The following PRLR variants were observed in gnomAD, a reference collection of about 807,000 sequenced individuals.
The protein encoded by PRLR is hPRL receptor.
In PRLR, 13 loss-of-function variants were observed where a neutral mutation model predicts 40.2. The observed-to-expected ratio is 0.32, with a 90% confidence interval of 0.21 to 0.51. The LOEUF (loss-of-function observed/expected upper bound fraction) is 0.51, where lower values mean the gene tolerates loss of function less well. PRLR is among the 20% of genes least tolerant of loss of function. PRLR has a pLI of 0.97. For missense variants in PRLR, 656 were observed against 747.3 expected, an observed-to-expected ratio of 0.88 and a Z score of 1.42; for synonymous variants, 269 against 278.7, an observed-to-expected ratio of 0.97 and a Z score of 0.35.
chr5:35,054,788 T>G (rs769648883), downstream of PRLR, among the ~76,000 whole-genome samples: 1 of 152,214 alleles, frequency 6.6e-6, no homozygotes, highest in Non-Finnish European at 1.5e-5. Flanking sequence ...CTATTTTTTA[T>G]GCAAAACTCA....
intron 1 of PRLR, among the ~76,000 whole-genome samples, chr5:35,227,882 G>A (rs900302223): frequency 5.3e-5 from 8 of 152,200 alleles, no homozygotes; most frequent in Non-Finnish European, 8.8e-5. Context: ...TTGTACTCAA[G>A]ATTATGGGTC....
intron 2 of PRLR, among the ~76,000 whole-genome samples, chr5:35,091,236 C>T (rs1050334682): frequency 6.6e-6 from 1 of 152,090 alleles, no homozygotes; most frequent in Non-Finnish European, 1.5e-5. Flanking sequence ...AGATTCCTTC[C>T]AAGCAAATGC....
Position 35,118,078 on chromosome 5 carries a change from A to G in PRLR, c.-61T>C, listed in dbSNP as rs553656351. Reference sequence around the variant, plus strand: ...CCCCTTACCTTCAGGGTTCATGTGGAAAGCATCCTCAGTGTTCGCCTCCAT... The same window carrying G: ...CCCCTTACCTTCAGGGTTCATGTGGGAAGCATCCTCAGTGTTCGCCTCCAT... On this transcript the variant is annotated 5_prime_UTR_variant, in exon 2 of 10. Coordinates refer to ENST00000618457, the MANE Select transcript of PRLR (RefSeq NM_000949.7). 1.0e-6 allele frequency: 1 copy of G among 985,652 alleles called. No individual in the cohort carries two copies. The highest frequency in any genetic ancestry group is 6.1e-5 in the Admixed American group (1 of 16,278). The allele number at this position is 985,652 out of a possible 1,614,324, so 61.1% of individuals were successfully genotyped here. A position where few individuals can be genotyped will look rare whatever the true frequency, so the allele number is the denominator to read the frequency against.
intron 1 of PRLR, among the ~76,000 whole-genome samples, chr5:35,209,631 C>T (rs1579805249): frequency 6.6e-6 from 1 of 152,302 alleles, no homozygotes; most frequent in Admixed American, 6.5e-5. Flanking sequence ...AAACTCCTTT[C>T]TCATCTTCTG....
In PRLR at chr5:35,061,991, CTCTT is replaced by C. The variant is rs761686294; in HGVS notation, c.*3094_*3097del. The stretch of plus-strand genomic sequence containing the variant: ...AATATGTCTCTTCTCAATCTCCTGC[CTCTT>C]TTTTTAAATGCCTCTTTCTACACAT... On this transcript the variant is annotated 3_prime_UTR_variant, in exon 10 of 10. Coordinates refer to ENST00000618457, the MANE Select transcript of PRLR (RefSeq NM_000949.7). The C allele has an allele frequency of 2.0e-5, 3 of 152,130 alleles. No homozygotes were observed. The highest frequency in any genetic ancestry group is 1.9e-4 in the East Asian group (1 of 5,184). 9.4% of individuals were successfully genotyped at this position (152,130 alleles called of 1,614,324 possible). A position where few individuals can be genotyped will look rare whatever the true frequency, so the allele number is the denominator to read the frequency against.
At chr5:35,135,925 CG>C (rs1339725502) in intron 1 of PRLR, among the ~76,000 whole-genome samples, 3 of 152,114 alleles carry the variant, frequency 2.0e-5, no homozygotes, top group Non-Finnish European at 4.4e-5. Context: ...AAGCTTTGTC[CG>C]AATAGGGGAG....
At position 35,217,277 on chromosome 5, in the gene PRLR, C is replaced by T. The variant is rs1405984482; in HGVS notation, c.-106+12991G>A. On this transcript the variant is annotated intron_variant, in intron 1 of 9. Coordinates refer to ENST00000618457, the MANE Select transcript of PRLR (RefSeq NM_000949.7). ...GTTCCTGCAGAAGACTGAACCCATG[C>T]AGGCTTAGATCCTAGGACTCTTAAA... is the stretch of plus-strand genomic sequence containing the variant. 5.9e-5 allele frequency among the ~76,000 whole-genome samples: 9 copies of T among 152,292 alleles called. 1 individual carries two copies. The South Asian group carries it at 1.9e-3, about 32-fold the overall frequency.
intron 1 of PRLR, among the ~76,000 whole-genome samples, chr5:35,160,839 C>G (rs916138621): frequency 2.6e-5 from 4 of 152,158 alleles, no homozygotes; most frequent in African/African-American, 4.8e-5. Context: ...GTGGAAAGCA[C>G]CCATTTCCTA....
intron 1 of PRLR, among the ~76,000 whole-genome samples, chr5:35,154,999 CA>C (rs199804697): frequency 0.026 from 3,825 of 148,604 alleles, 79 homozygotes; most frequent in Middle Eastern, 0.092. Flanking sequence ...GGAGGGGGTT[CA>C]GGGGAGGGTG....
At chr5:35,113,529 C>T (rs1772827374) in intron 2 of PRLR, among the ~76,000 whole-genome samples, 2 of 150,386 alleles carry the variant, frequency 1.3e-5, no homozygotes, top group African/African-American at 2.4e-5. Flanking sequence ...ATTTATCTAT[C>T]CATCCATCCA....
At chr5:35,173,008 T>C (rs1411285840) in intron 1 of PRLR, among the ~76,000 whole-genome samples, 1 of 152,216 alleles carries the variant, frequency 6.6e-6, no homozygotes. Flanking sequence ...GTTTGTGTGC[T>C]TTTTGTCTAG....
intron 2 of PRLR, among the ~76,000 whole-genome samples, chr5:35,105,154 G>T (rs890321599): frequency 6.6e-6 from 1 of 152,198 alleles, no homozygotes; most frequent in Non-Finnish European, 1.5e-5. Flanking sequence ...CTGCAGCTGA[G>T]GGTCCTGACT....
chr5:35,072,348 T>C (rs905348455), intron 6 of PRLR, among the ~76,000 whole-genome samples: 1 of 152,116 alleles, frequency 6.6e-6, no homozygotes, highest in African/African-American at 2.4e-5. Context: ...GGAAACCTGG[T>C]CAAGTGTCTG....
intron 1 of PRLR, among the ~76,000 whole-genome samples, chr5:35,213,312 G>A (rs1382401321): frequency 2.0e-5 from 3 of 152,160 alleles, no homozygotes; most frequent in Non-Finnish European, 2.9e-5. Flanking sequence ...TGCTTCAGCT[G>A]ATGATTTCCC....
At chr5:35,049,236 CAG>C in exon 9 of PRLR, 1 of 702,570 alleles carries the variant, frequency 1.4e-6, no homozygotes. Context: ...TGTGGTTGGA[CAG>C]AGGGGAGAAA....
intron 2 of PRLR, among the ~76,000 whole-genome samples, chr5:35,108,009 C>A (rs1772385510): frequency 1.3e-5 from 2 of 152,168 alleles, no homozygotes; most frequent in Admixed American, 1.3e-4. Flanking sequence ...AGCAGCACAT[C>A]AAAAAGCTTA....
At chr5:35,084,935 C>G (rs1770751118) in intron 4 of PRLR, among the ~76,000 whole-genome samples, 1 of 152,122 alleles carries the variant, frequency 6.6e-6, no homozygotes, top group Non-Finnish European at 1.5e-5. Flanking sequence ...GATAAACACT[C>G]GAGCTTTCAA....
intron 1 of PRLR, among the ~76,000 whole-genome samples, chr5:35,148,594 A>G (rs1774252442): frequency 6.6e-6 from 1 of 152,172 alleles, no homozygotes; most frequent in East Asian, 1.9e-4. Context: ...TTTCATCTGT[A>G]AGAGAAGAAT....
At chr5:35,230,028 T>G (rs928266438) in intron 1 of PRLR, among the ~76,000 whole-genome samples, 1 of 151,806 alleles carries the variant, frequency 6.6e-6, no homozygotes, top group African/African-American at 2.4e-5. Context: ...CAAAGCACCT[T>G]AAGAGTATTT....
Sources: gnomAD v4.1 joint callset for allele counts (sites outside exome capture counted in the v4.1 genomes callset) on GRCh38, gnomAD v4.1.1 for gene constraint, MANE v1.5 for transcripts, NCBI Gene and HGNC (gene_info 2026-07-23, HGNC 2026-07-21) for gene names.